PRKCA: variants seen among roughly 807,000 people sequenced by gnomAD.
PRKCA encodes the protein protein kinase C alpha type.
PRKCA carries 27 observed loss-of-function variants against 87.0 expected under a neutral mutation model. The ratio of observed to expected loss-of-function variants is 0.31; its 90% CI spans 0.23 to 0.43. The LOEUF (loss-of-function observed/expected upper bound fraction) is 0.43. Among genes scored for constraint, PRKCA ranks in the 20% least tolerant of loss-of-function variants. The pLI, the probability that PRKCA is intolerant of heterozygous loss-of-function variation, is 1.00. For missense variants in PRKCA, 518 were observed against 852.3 expected (o/e 0.61, Z 4.88); for synonymous variants, 329 against 311.1 (o/e 1.06, Z -0.61).
At chr17:66,512,312 G>A (rs1421153764) in intron 3 of PRKCA, among the ~76,000 whole-genome samples, 1 of 152,070 alleles carries the variant, frequency 6.6e-6, no homozygotes, top group Non-Finnish European at 1.5e-5. Flanking sequence ...CTTGTTGGCA[G>A]CCACCTGTAA....
At chr17:66,471,220 C>T (rs1270856199) in intron 2 of PRKCA, among the ~76,000 whole-genome samples, 2 of 152,148 alleles carry the variant, frequency 1.3e-5, no homozygotes, top group Non-Finnish European at 2.9e-5. Flanking sequence ...ATGTTGGTGG[C>T]ATTCAGTAAG....
intron 5 of PRKCA, among the ~76,000 whole-genome samples, chr17:66,650,298 G>A (rs559433320): frequency 6.6e-6 from 1 of 152,082 alleles, no homozygotes; most frequent in African/African-American, 2.4e-5. Context: ...AGCTTTGGTG[G>A]TGTATTTTTA....
At chr17:66,782,312 T>C (rs559151954) in intron 14 of PRKCA, among the ~76,000 whole-genome samples, 1 of 152,144 alleles carries the variant, frequency 6.6e-6, no homozygotes, top group African/African-American at 2.4e-5. Flanking sequence ...ATAGTCTCTA[T>C]CTTTGCAACA....
chr17:66,540,993 C>A (rs146915722), intron 3 of PRKCA, among the ~76,000 whole-genome samples: 1 of 152,066 alleles, frequency 6.6e-6, no homozygotes, highest in Admixed American at 6.5e-5. Context: ...TTGGTAGAAC[C>A]CTACAGAGGT....
chr17:66,434,732 G>A (rs1832343356), intron 2 of PRKCA, among the ~76,000 whole-genome samples: 1 of 152,154 alleles, frequency 6.6e-6, no homozygotes, highest in African/African-American at 2.4e-5. Flanking sequence ...TAGCTGCATG[G>A]CCTAGACAGC....
At chr17:66,501,849 G>T (rs1168066249) in intron 3 of PRKCA, among the ~76,000 whole-genome samples, 1 of 152,226 alleles carries the variant, frequency 6.6e-6, no homozygotes, top group Non-Finnish European at 1.5e-5. Context: ...AGTGGGAGTA[G>T]TGAGCCTGGC....
chr17:66,480,879 G>A (rs903868426), intron 2 of PRKCA, among the ~76,000 whole-genome samples: 1 of 152,102 alleles, frequency 6.6e-6, no homozygotes, highest in Non-Finnish European at 1.5e-5. Flanking sequence ...CATGGCTGAA[G>A]GTAACGTTTT....
At chr17:66,510,116 C>T (rs960328514) in intron 3 of PRKCA, among the ~76,000 whole-genome samples, 2 of 152,042 alleles carry the variant, frequency 1.3e-5, no homozygotes. Context: ...GCTTTACTGG[C>T]CCAACAAGAA....
chr17:66,730,541 C>T (rs1392534834), intron 8 of PRKCA, among the ~76,000 whole-genome samples: 1 of 152,122 alleles, frequency 6.6e-6, no homozygotes, highest in Non-Finnish European at 1.5e-5. Context: ...CCTTTCACAC[C>T]ATGTAGGGTA....
intron 5 of PRKCA, among the ~76,000 whole-genome samples, chr17:66,676,948 G>A (rs904792281): frequency 3.9e-5 from 6 of 152,176 alleles, no homozygotes; most frequent in Non-Finnish European, 7.3e-5. Context: ...GAACCTAAGG[G>A]AAGTAGAGCG....
At chr17:66,378,873 C>A (rs1909629002) in intron 2 of PRKCA, among the ~76,000 whole-genome samples, 1 of 150,938 alleles carries the variant, frequency 6.6e-6, no homozygotes, top group East Asian at 1.9e-4. Context: ...TACACTCCAA[C>A]CTAAGCGACA....
intron 2 of PRKCA, among the ~76,000 whole-genome samples, chr17:66,391,088 A>G (rs1300050013): frequency 1.3e-5 from 2 of 152,154 alleles, no homozygotes; most frequent in Non-Finnish European, 2.9e-5. Flanking sequence ...AAGTCATCAT[A>G]AAGACCTCCG....
chr17:66,735,398 G>A, intron 9 of PRKCA, 91 bp from the exon 10 acceptor site: 1 of 1,350,896 alleles, frequency 7.4e-7, no homozygotes, highest in Non-Finnish European at 1.1e-6. Context: ...TGCACAAACT[G>A]TCACTGAGCC....
intron 8 of PRKCA, among the ~76,000 whole-genome samples, chr17:66,715,866 A>G (rs1973460335): frequency 6.6e-6 from 1 of 152,206 alleles, no homozygotes; most frequent in South Asian, 2.1e-4. Context: ...ATCCCAGCCA[A>G]ACTGCAGTTG....
intron 2 of PRKCA, among the ~76,000 whole-genome samples, chr17:66,444,966 C>T (rs1399962312): frequency 3.3e-5 from 5 of 152,192 alleles, no homozygotes; most frequent in African/African-American, 1.2e-4. Context: ...CTCACACATA[C>T]AGACTCCCTC....
At chr17:66,392,178 C>T (rs1014198663) in intron 2 of PRKCA, among the ~76,000 whole-genome samples, 33 of 150,378 alleles carry the variant, frequency 2.2e-4, no homozygotes, top group Non-Finnish European at 4.4e-4. Flanking sequence ...TGCAGTGAGC[C>T]GAGGTCATGC....
intron 8 of PRKCA, among the ~76,000 whole-genome samples, chr17:66,726,665 C>G (rs1166218613): frequency 6.6e-6 from 1 of 151,168 alleles, no homozygotes; most frequent in East Asian, 1.9e-4. Flanking sequence ...CCTCAGCCAT[C>G]AAAGCACTCA....
intron 8 of PRKCA, among the ~76,000 whole-genome samples, chr17:66,726,437 C>T (rs375585594): frequency 2.0e-5 from 3 of 152,124 alleles, no homozygotes; most frequent in South Asian, 2.1e-4. Flanking sequence ...CAGGTGGCAA[C>T]GGTTTCCGGG....
intron 13 of PRKCA, among the ~76,000 whole-genome samples, chr17:66,744,041 C>T (rs752111196): frequency 2.0e-5 from 3 of 152,084 alleles, no homozygotes; most frequent in Non-Finnish European, 2.9e-5. Context: ...ATCTAGTAGA[C>T]CCTCCATAGT....
Sources: allele counts gnomAD v4.1 joint callset (sites outside exome capture counted in the v4.1 genomes callset), GRCh38; gene constraint gnomAD v4.1.1; transcripts MANE v1.5; gene names NCBI Gene and HGNC (gene_info 2026-07-23, HGNC 2026-07-21).